ABCC6: variants seen among roughly 807,000 people sequenced by gnomAD.
ABCC6 encodes ATP-binding cassette sub-family C member 6.
In ABCC6, 126 loss-of-function variants were observed where a neutral mutation model predicts 169.5. That is an observed-to-expected ratio of 0.74 (90% CI 0.64 to 0.86). The LOEUF is 0.86. Ranked by LOEUF, ABCC6 falls within the 40% of genes least tolerant of loss-of-function variation. The probability of loss-of-function intolerance (pLI) is 0.00; values close to 1 mark genes in which losing one functional copy is unlikely to be tolerated. For missense variants in ABCC6, 1,733 were observed against 1,927.2 expected (o/e 0.90, Z 1.89); for synonymous variants, 752 against 814.7 (o/e 0.92, Z 1.31).
At chr16:16,169,539 C>T (rs978378891) in intron 22 of ABCC6, 107 bp downstream of exon 22, 3 of 1,349,050 alleles carry the variant, frequency 2.2e-6, no homozygotes, top group African/African-American at 1.4e-5. Flanking sequence ...GTTTTGCACA[C>T]TGTTCCAGGG....
At chr16:16,178,042 A>G (rs866207068) in intron 18 of ABCC6, among the ~76,000 whole-genome samples, 32 of 146,742 alleles carry the variant, frequency 2.2e-4, no homozygotes, top group Admixed American at 1.4e-4. Flanking sequence ...AAAAAAATGT[A>G]CGGCCGAGCG....
At chr16:16,197,923 C>T in intron 10 of ABCC6, 98 bp downstream of exon 10, 1 of 1,366,030 alleles carries the variant, frequency 7.3e-7, no homozygotes, top group Non-Finnish European at 1.0e-6. Flanking sequence ...CTCTTGAATG[C>T]TAAGTCAGGA....
intron 29 of ABCC6, among the ~76,000 whole-genome samples, chr16:16,153,847 C>G (rs961765137): frequency 6.7e-6 from 1 of 148,658 alleles, no homozygotes; most frequent in South Asian, 2.2e-4. Context: ...GAGGTTGCAG[C>G]GAGCCTTGAC....
At chr16:16,182,134 G>T (rs912169670) in intron 17 of ABCC6, among the ~76,000 whole-genome samples, 2 of 152,156 alleles carry the variant, frequency 1.3e-5, no homozygotes, top group African/African-American at 4.8e-5. Context: ...AGTAAGACAG[G>T]AGTCTAGGTC....
chr16:16,166,634 C>T (rs922552910), intron 22 of ABCC6, among the ~76,000 whole-genome samples: 6 of 151,696 alleles, frequency 4.0e-5, no homozygotes, highest in African/African-American at 1.2e-4. Context: ...AATCACAGCA[C>T]TTTGGGAGGC....
intron 7 of ABCC6, among the ~76,000 whole-genome samples, chr16:16,204,424 A>T (rs2048331775): frequency 6.6e-6 from 1 of 152,170 alleles, no homozygotes; most frequent in African/African-American, 2.4e-5. Flanking sequence ...CCCAACACAC[A>T]CAATCAGCCA....
chr16:16,160,628 CAAA>C lies in ABCC6; in HGVS notation c.3633+807_3633+809del, dbSNP rs34511090. On this transcript the variant is annotated intron_variant, in intron 25 of 30. Transcript: ENST00000205557. ...GGCAACATGGTGAAACTGTTTCTAC[CAAA>C]AAAAAAAAAAAAAAAAAAAAAAAAA... Among the ~76,000 whole-genome samples, 223 of 76,388 alleles carry C rather than the reference CAAA, an allele frequency of 2.9e-3. 1 individual carries two copies. Among genetic ancestry groups the C allele is most frequent in the South Asian group, 6.4e-3 (11 of 1,706 alleles). The allele number at this position is 76,388 out of a possible 152,430, so 50.1% of individuals were successfully genotyped here.
At chr16:16,184,502 C>T (rs1490654204) in intron 15 of ABCC6, among the ~76,000 whole-genome samples, 27 of 152,174 alleles carry the variant, frequency 1.8e-4, no homozygotes, top group Non-Finnish European at 2.9e-5. Context: ...CATATTCCTT[C>T]TCTTCTTAGG....
chr16:16,201,965 G>A, intron 9 of ABCC6, 36 bp downstream of exon 9: 1 of 1,613,222 alleles, frequency 6.2e-7, no homozygotes, highest in Non-Finnish European at 8.5e-7. Flanking sequence ...TGCTTTTCCT[G>A]GCTGGGAAGA....
In ABCC6 at chr16:16,165,806, A is replaced by C; in HGVS notation, c.3123T>G (p.Ile1041Met). 3.7e-6 allele frequency: 6 copies of C among 1,613,668 alleles called. No homozygotes were observed. Among genetic ancestry groups the C allele is most frequent in the Non-Finnish European group, 5.1e-6 (6 of 1,180,042 alleles). Residue 1041 changes from isoleucine to methionine, a missense_variant, in exon 23 of 31, where the codon ATT (isoleucine) becomes ATG (methionine). Around this residue, in one of 5 missense-constraint regions of ABCC6, gnomAD observed 1,601 missense variants for 1,635.5 expected, o/e 0.98. Coordinates refer to ENST00000205557, the MANE Select transcript of ABCC6 (RefSeq NM_001171.6). Reference protein sequence around the residue: ...SPISFFERTPIGHLLNRFSKE... With the variant: ...SPISFFERTPMGHLLNRFSKE... ...TGGAGAAGCGGTTTAGCAGGTGACC[A>C]ATGGGTGTCCGCTCAAAGAAGCTGA... is the stretch of plus-strand genomic sequence containing the variant.
At chr16:16,197,688 G>A (rs1284023406) in intron 10 of ABCC6, among the ~76,000 whole-genome samples, 2 of 139,900 alleles carry the variant, frequency 1.4e-5, no homozygotes, top group East Asian at 4.4e-4. Flanking sequence ...GATGCAGGAG[G>A]AGGGAGGGTG....
chr16:16,155,237 T>C (rs1834913186), intron 27 of ABCC6: 7 of 632,378 alleles, frequency 1.1e-5, no homozygotes, highest in Non-Finnish European at 1.9e-5. Flanking sequence ...TCTCTATCTT[T>C]CCCTTATCCT....
rs568182628 is a variant in ABCC6 at position 16,149,584 on chromosome 16, C to T, written c.*549G>A. The T allele has an allele frequency of 6.0e-4, 145 of 239,896 alleles. No individual in the cohort carries two copies. Among genetic ancestry groups the T allele is most frequent in the African/African-American group, 2.8e-3 (128 of 45,032 alleles). The allele number at this position is 239,896 out of a possible 1,614,324, so 14.9% of individuals were successfully genotyped here. A position where few individuals can be genotyped will look rare whatever the true frequency, so the allele number is the denominator to read the frequency against. ...CAGGAGTACAGGTAAAACGGGAAAT[C>T]GAGCAAGATTGTTGTGTCAATGTCA... On this transcript the variant is annotated 3_prime_UTR_variant, in exon 31 of 31. Transcript: ENST00000205557.
chr16:16,210,562 A>G (rs191841488), intron 6 of ABCC6, among the ~76,000 whole-genome samples: 2 of 152,320 alleles, frequency 1.3e-5, no homozygotes, highest in Admixed American at 6.5e-5. Flanking sequence ...AAGTGATGCT[A>G]TAGATTTTTC....
Position 16,182,536 on chromosome 16 carries a change from A to G in ABCC6, c.2123T>C (p.Val708Ala), listed in dbSNP as rs770792223. 6.2e-7 allele frequency: 1 copy of G among 1,614,066 alleles called. No homozygotes were observed. The highest frequency in any genetic ancestry group is 1.7e-5 in the Admixed American group (1 of 60,010). ...CTCCTGCCCGAAGCACACATTCTCT[A>G]CCACAGAGGTGTTCTGCACCCAGGC... Reference protein sequence around the residue: ...QEAWVQNTSVVENVCFGQELD... With the variant: ...QEAWVQNTSVAENVCFGQELD... Residue 708 changes from valine (V) to alanine (A), a missense_variant, in exon 17 of 31, where the codon GTA becomes GCA. Val to Ala is a moderately conservative substitution (Grantham distance 64, BLOSUM62 0). This residue lies in a region of ABCC6 where 1,601 missense variants were observed against 1,635.5 expected (regional missense o/e 0.98). Transcript: ENST00000205557.
At position 16,154,536 on chromosome 16, in the gene ABCC6, C is replaced by T. The variant is rs57381943; in HGVS notation, c.4208+92G>A. 4,521 of 1,490,636 alleles carry T rather than the reference C, an allele frequency of 3.0e-3. 21 individuals carry two copies. Among genetic ancestry groups the T allele is most frequent in the Non-Finnish European group, 3.8e-3 (4,060 of 1,079,670 alleles). 92.3% of individuals were successfully genotyped at this position (1,490,636 alleles called of 1,614,324 possible). On this transcript the variant is annotated intron_variant, in intron 29 of 30. Transcript: ENST00000205557. ...TAATGTAACAGAGTGATAATCCTAT[C>T]GGGGGAGGCATTTCCTGAAGGCCCT... is the stretch of plus-strand genomic sequence containing the variant.
At chr16:16,192,985 A>G in intron 10 of ABCC6, 63 bp from the exon 11 acceptor site, 1 of 1,363,270 alleles carries the variant, frequency 7.3e-7, no homozygotes, top group Non-Finnish European at 1.0e-6. Flanking sequence ...GAGGCACGTG[A>G]ACCAGAGCAA....
At chr16:16,182,731 G>A in intron 16 of ABCC6, 73 bp downstream of exon 16, 3 of 1,608,704 alleles carry the variant, frequency 1.9e-6, no homozygotes, top group African/African-American at 2.7e-5. Flanking sequence ...GGATGGGGAG[G>A]GTGGGAAGGC....
chr16:16,209,752 C>T (rs1328390371), intron 6 of ABCC6, among the ~76,000 whole-genome samples: 1 of 152,068 alleles, frequency 6.6e-6, no homozygotes, highest in Non-Finnish European at 1.5e-5. Context: ...TACAAGCCAC[C>T]ATCACACCTG....
Sources: gnomAD v4.1 joint callset for allele counts (sites outside exome capture counted in the v4.1 genomes callset) on GRCh38, gnomAD v4.1.1 for gene constraint, gnomAD v4.1.1 regional missense constraint, MANE v1.5 for transcripts, NCBI Gene and HGNC (gene_info 2026-07-23, HGNC 2026-07-21) for gene names.